The following SUFU variants were observed in gnomAD, a reference collection of about 807,000 sequenced individuals.
The protein encoded by SUFU is suppressor of fused homolog.
A neutral mutation model predicts 58.9 loss-of-function variants in SUFU; 7 were observed. The ratio of observed to expected loss-of-function variants is 0.12; its 90% confidence interval spans 0.07 to 0.22. SUFU has a LOEUF of 0.22. Among genes scored for constraint, SUFU ranks in the 10% least tolerant of loss-of-function variants. SUFU has a pLI of 1.00. For missense variants in SUFU, 451 were observed against 641.3 expected (o/e 0.70, Z 3.20); for synonymous variants, 232 against 254.8 (o/e 0.91, Z 0.85).
chr10:102,588,575 T>G, intron 3 of SUFU, among the ~76,000 whole-genome samples: 1 of 152,226 alleles, frequency 6.6e-6, no homozygotes, highest in East Asian at 1.9e-4. Flanking sequence ...TTTGCTCGTC[T>G]TCTTTAAGAA....
intron 3 of SUFU, among the ~76,000 whole-genome samples, chr10:102,588,624 A>G (rs1378870510): frequency 1.3e-5 from 2 of 152,108 alleles, no homozygotes; most frequent in African/African-American, 4.8e-5. Flanking sequence ...TTCCACGTGA[A>G]GTTTTGAATC....
Position 102,629,974 on chromosome 10 carries a change from TC to T in SUFU, c.1366-88del. 8.4e-7 allele frequency: 1 copy of T among 1,196,256 alleles called. No individual in the cohort carries two copies. Among genetic ancestry groups the T allele is most frequent in the Non-Finnish European group, 1.3e-6 (1 of 799,034 alleles). The allele number at this position is 1,196,256 out of a possible 1,614,324, so 74.1% of individuals were successfully genotyped here. A position where few individuals can be genotyped will look rare whatever the true frequency, so the allele number is the denominator to read the frequency against. ...TCCCGCGGCCTGTCCTATCCCTAGC[TC>T]CCCGGGGACAGGCCTGGGCAATCTC... On this transcript the variant is annotated intron_variant, in intron 11 of 11. Transcript: ENST00000369902. The surrounding 1 kb of genome is among the most constrained non-coding windows in gnomAD (Gnocchi z 4.7).
intron 2 of SUFU, among the ~76,000 whole-genome samples, chr10:102,509,663 A>G (rs1313074316): frequency 6.6e-6 from 1 of 152,202 alleles, no homozygotes; most frequent in Non-Finnish European, 1.5e-5. Flanking sequence ...AACATAAAGC[A>G]AAGTTGGAAG....
In SUFU at chr10:102,625,557, A is replaced by G. The variant is rs558314199; in HGVS notation, c.1297-1618A>G. On this transcript the variant is annotated intron_variant, in intron 10 of 11. Coordinates refer to ENST00000369902, the MANE Select transcript of SUFU (RefSeq NM_016169.4). This position sits in a 1 kb window ranked among gnomAD's most constrained non-coding sequence, Gnocchi z 4.7. ...GATGAGTTAGTGTCCTGGGGGTGAGAGTTCAGCATTCGGGAGCAGTACTCC... is the reference window on the plus strand; with the variant it reads ...GATGAGTTAGTGTCCTGGGGGTGAGGGTTCAGCATTCGGGAGCAGTACTCC... Among the ~76,000 whole-genome samples the G allele has an allele frequency of 3.9e-5, 6 of 152,100 alleles. No individual in the cohort carries two copies. In the South Asian group the frequency reaches 1.2e-3, roughly 32 times the overall value.
At chr10:102,538,651 A>G (rs1215726455) in intron 2 of SUFU, among the ~76,000 whole-genome samples, 1 of 152,172 alleles carries the variant, frequency 6.6e-6, no homozygotes, top group African/African-American at 2.4e-5. Flanking sequence ...ACATGTATGC[A>G]GCCTCTCCCG....
chr10:102,623,452 A>T (rs535325608), intron 10 of SUFU, among the ~76,000 whole-genome samples: 6 of 152,272 alleles, frequency 3.9e-5, no homozygotes, highest in Admixed American at 3.9e-4. Context: ...GTGGCCAGGA[A>T]ATGTGTGGCT....
chr10:102,582,767 G>A (rs555691827), intron 3 of SUFU, among the ~76,000 whole-genome samples: 1 of 152,280 alleles, frequency 6.6e-6, no homozygotes, highest in African/African-American at 2.4e-5. Context: ...GTAGCTGAGG[G>A]AGGTTTCTCC....
chr10:102,620,807 C>T (rs2063733568), intron 10 of SUFU, among the ~76,000 whole-genome samples: 1 of 152,172 alleles, frequency 6.6e-6, no homozygotes, highest in East Asian at 1.9e-4. Flanking sequence ...AGCGGGAGCC[C>T]GGCCCAGAGC....
chr10:102,512,279 G>T (rs2062409299), intron 2 of SUFU, among the ~76,000 whole-genome samples: 1 of 152,238 alleles, frequency 6.6e-6, no homozygotes, highest in Admixed American at 6.5e-5. Flanking sequence ...ATAGCAAACA[G>T]ATGTGGGGAG....
At chr10:102,599,861 T>C (rs1046809991) in intron 8 of SUFU, among the ~76,000 whole-genome samples, 2 of 152,234 alleles carry the variant, frequency 1.3e-5, no homozygotes, top group Non-Finnish European at 2.9e-5. Flanking sequence ...CCCATTGTGC[T>C]GAGCACGGTT....
At chr10:102,596,286 G>A (rs1441932361) in intron 6 of SUFU, among the ~76,000 whole-genome samples, 1 of 152,224 alleles carries the variant, frequency 6.6e-6, no homozygotes, top group Non-Finnish European at 1.5e-5. Flanking sequence ...TCAGTCACAA[G>A]CTTGATTTGG....
chr10:102,516,151 A>C (rs1589981779), intron 2 of SUFU, among the ~76,000 whole-genome samples: 1 of 100,654 alleles, frequency 9.9e-6, no homozygotes, highest in South Asian at 3.1e-4. Flanking sequence ...TTTGAGATAG[A>C]GTCTTCCTTT....
chr10:102,587,345 C>A (rs1264631014), intron 3 of SUFU, among the ~76,000 whole-genome samples: 1 of 152,154 alleles, frequency 6.6e-6, no homozygotes. Context: ...ATTCCAAATT[C>A]TTTGCATCCT....
rs1014801196 is a variant in SUFU, at chr10:102,628,739, C to T, written c.1366-1327C>T. Among the ~76,000 whole-genome samples the T allele has an allele frequency of 6.6e-6, 1 of 152,162 alleles. No homozygotes were observed. On this transcript the variant is annotated intron_variant, in intron 11 of 11. Coordinates refer to ENST00000369902, the MANE Select transcript of SUFU (RefSeq NM_016169.4). The surrounding 1 kb of genome is among the most constrained non-coding windows in gnomAD (Gnocchi z 4.5). ...AGAGACAGTCCCCCAGCAGAGGGAG[C>T]GAAGAGGGAGGCAGCCAGGAAGGGT...
chr10:102,552,134 T>C (rs1302801920), intron 3 of SUFU, among the ~76,000 whole-genome samples: 1 of 152,070 alleles, frequency 6.6e-6, no homozygotes, highest in African/African-American at 2.4e-5. Context: ...CAAATACAGA[T>C]TGTGAGACAC....
At position 102,617,574 on chromosome 10, in the gene SUFU, T is replaced by G. The variant is rs1461094139; in HGVS notation, c.1296+146T>G. 1.2e-5 allele frequency: 14 copies of G among 1,142,260 alleles called. No individual in the cohort carries two copies. Among genetic ancestry groups the G allele is most frequent in the Non-Finnish European group, 1.8e-5 (14 of 776,662 alleles). The allele number at this position is 1,142,260 out of a possible 1,614,324, so 70.8% of individuals were successfully genotyped here. A position where few individuals can be genotyped will look rare whatever the true frequency, so the allele number is the denominator to read the frequency against. On this transcript the variant is annotated intron_variant, in intron 10 of 11. Transcript: ENST00000369902. This position sits in a 1 kb window ranked among gnomAD's most constrained non-coding sequence, Gnocchi z 4.4. ...ATGGATTCAGGGCCTGGGGCCTGTG[T>G]GTAGGTATGGAGTGTGGATGCTGCT...
At chr10:102,563,157 C>G (rs181032020) in intron 3 of SUFU, among the ~76,000 whole-genome samples, 108 of 152,212 alleles carry the variant, frequency 7.1e-4, no homozygotes, top group Middle Eastern at 3.4e-3. Flanking sequence ...AGAGAGAGGA[C>G]TTGGGGAAAA....
intron 8 of SUFU, 118 bp from the exon 9 acceptor site, chr10:102,615,150 A>G: frequency 6.9e-7 from 1 of 1,458,612 alleles, no homozygotes. Context: ...TGTCACCATC[A>G]TTATCATCAG....
intron 4 of SUFU, among the ~76,000 whole-genome samples, chr10:102,592,988 T>C (rs2063419884): frequency 2.0e-5 from 3 of 152,248 alleles, no homozygotes; most frequent in East Asian, 1.9e-4. Flanking sequence ...CGGGTATTCT[T>C]TGAACAGTGA....
Sources: gnomAD v4.1 joint callset for allele counts (sites outside exome capture counted in the v4.1 genomes callset) on GRCh38, gnomAD v4.1.1 for gene constraint, Gnocchi (gnomAD v3.1) non-coding constraint, MANE v1.5 for transcripts, NCBI Gene and HGNC (gene_info 2026-07-23, HGNC 2026-07-21) for gene names.